Variants in FBXO38 observed in about 807,000 individuals in gnomAD.
FBXO38 encodes the protein F-box only protein 38.
A neutral mutation model predicts 131.9 loss-of-function variants in FBXO38; 53 were observed. The ratio of observed to expected loss-of-function variants is 0.40; its 90% confidence interval spans 0.32 to 0.51. The LOEUF is 0.51. Among genes scored for constraint, FBXO38 ranks in the 20% least tolerant of loss-of-function variants. The probability of loss-of-function intolerance (pLI) is 0.53; values close to 1 mark genes in which losing one functional copy is unlikely to be tolerated. For missense variants in FBXO38, 1,076 were observed against 1,475.6 expected (o/e 0.73, Z 4.44); for synonymous variants, 452 against 505.6 (o/e 0.89, Z 1.42).
intron 15 of FBXO38, among the ~76,000 whole-genome samples, chr5:148,428,268 A>G (rs938284269): frequency 6.6e-6 from 1 of 152,220 alleles, no homozygotes; most frequent in Non-Finnish European, 1.5e-5. Context: ...ACACACTTAG[A>G]GAAGTCTTAA....
Position 148,438,633 on chromosome 5 carries a change from A to G in FBXO38, c.3024+135A>G, listed in dbSNP as rs75231463. On this transcript the variant is annotated intron_variant, in intron 18 of 21. Coordinates refer to ENST00000340253, the MANE Select transcript of FBXO38 (RefSeq NM_205836.3). ...CTACAGTAATGATATTTTAGTTTTTACAGGTTATGTATGATATAGGGAGTT... is the reference window on the plus strand; with the variant it reads ...CTACAGTAATGATATTTTAGTTTTTGCAGGTTATGTATGATATAGGGAGTT... 3.5e-5 allele frequency: 31 copies of G among 897,636 alleles called. No individual in the cohort carries two copies. In the East Asian group the frequency reaches 7.2e-4, roughly 21 times the overall value. 55.6% of individuals were successfully genotyped at this position (897,636 alleles called of 1,614,324 possible).
intron 15 of FBXO38, 53 bp downstream of exon 15, chr5:148,428,000 A>C: frequency 7.0e-7 from 1 of 1,423,466 alleles, no homozygotes; most frequent in East Asian, 2.4e-5. Context: ...GCAGAAAGGC[A>C]TGAACTTGTT....
intron 9 of FBXO38, chr5:148,413,372 T>G (rs181242071): frequency 1.3e-5 from 2 of 152,184 alleles, no homozygotes; most frequent in Admixed American, 6.5e-5. Flanking sequence ...ATTGGTTGAT[T>G]GCAGACTGTG....
At chr5:148,433,610 T>C (rs1359002782) in intron 16 of FBXO38, 25 bp from the exon 17 acceptor site, 2 of 1,562,302 alleles carry the variant, frequency 1.3e-6, no homozygotes, top group East Asian at 4.5e-5. Flanking sequence ...TATCTTTATA[T>C]AGTTTCTAAT....
intron 1 of FBXO38, among the ~76,000 whole-genome samples, chr5:148,386,036 G>A (rs535633783): frequency 5.0e-4 from 76 of 152,308 alleles, no homozygotes; most frequent in African/African-American, 1.6e-3. Context: ...CAAGACAAAA[G>A]TAATGCTTCC....
At chr5:148,387,203 G>A (rs758095331) in intron 1 of FBXO38, among the ~76,000 whole-genome samples, 2 of 152,156 alleles carry the variant, frequency 1.3e-5, no homozygotes, top group African/African-American at 2.4e-5. Flanking sequence ...TATCAACTGA[G>A]TTTATGTAGT....
intron 10 of FBXO38, among the ~76,000 whole-genome samples, chr5:148,415,540 A>C (rs1413151444): frequency 1.3e-5 from 2 of 152,290 alleles, no homozygotes; most frequent in African/African-American, 4.8e-5. Flanking sequence ...TACTAAGTAT[A>C]ATTTGGAGAG....
At chr5:148,398,474 T>C (rs1158077429) in intron 2 of FBXO38, among the ~76,000 whole-genome samples, 1 of 151,468 alleles carries the variant, frequency 6.6e-6, no homozygotes, top group African/African-American at 2.4e-5. Flanking sequence ...AGAAATTGTG[T>C]ACTATATGAC....
chr5:148,386,731 G>T (rs1451464371), intron 1 of FBXO38, among the ~76,000 whole-genome samples: 1 of 152,022 alleles, frequency 6.6e-6, no homozygotes, highest in African/African-American at 2.4e-5. Context: ...ATTTATTCAG[G>T]CATAGCTCAG....
intron 8 of FBXO38, 55 bp downstream of exon 8, chr5:148,409,272 C>T: frequency 8.3e-7 from 1 of 1,205,132 alleles, no homozygotes; most frequent in Non-Finnish European, 1.2e-6. Flanking sequence ...ATGTTTTTCC[C>T]TATTTTACAA....
At chr5:148,420,476 A>G (rs903590531) in intron 12 of FBXO38, among the ~76,000 whole-genome samples, 4 of 152,136 alleles carry the variant, frequency 2.6e-5, no homozygotes, top group African/African-American at 9.7e-5. Flanking sequence ...TAAGTGTCAC[A>G]ATTATGCTTC....
intron 21 of FBXO38, 50 bp from the exon 22 acceptor site, chr5:148,441,919 A>G: frequency 1.3e-6 from 2 of 1,526,578 alleles, no homozygotes; most frequent in South Asian, 1.2e-5. Context: ...TGATTTTCCA[A>G]ATGATTCTGA....
chr5:148,427,818 A>G lies in FBXO38; in HGVS notation c.2524A>G (p.Thr842Ala). ...GACTAATGGGAGTGGCTCTGGGGCT[A>G]CAGGTGAGGACAGGAGGGGGAGCTC... ...ERTNGSGSGA[T>A]GEDRRGSSQP... is the part of the protein sequence containing the mutation. Residue 842 changes from threonine (T) to alanine (A), a missense_variant, in exon 15 of 22, where the codon ACA (threonine) becomes GCA (alanine). By Grantham distance (58) the Thr-to-Ala change is moderately conservative (BLOSUM62 0). Coordinates refer to ENST00000340253, the MANE Select transcript of FBXO38 (RefSeq NM_205836.3). The G allele has an allele frequency of 5.0e-6, 8 of 1,606,948 alleles. No homozygotes were observed. Among genetic ancestry groups the G allele is most frequent in the Non-Finnish European group, 6.8e-6 (8 of 1,176,498 alleles).
chr5:148,437,922 A>C (rs1162970772), intron 17 of FBXO38, among the ~76,000 whole-genome samples: 1 of 152,056 alleles, frequency 6.6e-6, no homozygotes, highest in Admixed American at 6.6e-5. Context: ...TTCTACTTTT[A>C]CGTTTGTGAC....
chr5:148,388,463 T>C (rs1236339734), intron 1 of FBXO38, among the ~76,000 whole-genome samples: 1 of 152,242 alleles, frequency 6.6e-6, no homozygotes, highest in Non-Finnish European at 1.5e-5. Context: ...TGGAAGGCTG[T>C]ACGTACTGAA....
chr5:148,439,845 G>T, intron 19 of FBXO38, 53 bp downstream of exon 19: 4 of 1,570,280 alleles, frequency 2.5e-6, no homozygotes, highest in South Asian at 1.1e-5. Context: ...TCATAGCAGG[G>T]ACTCCCAGAA....
At chr5:148,418,279 C>A (rs1229912546) in intron 12 of FBXO38, among the ~76,000 whole-genome samples, 1 of 152,220 alleles carries the variant, frequency 6.6e-6, no homozygotes, top group Non-Finnish European at 1.5e-5. Flanking sequence ...TCTCCTACCT[C>A]ATTTTCCTTT....
intron 3 of FBXO38, among the ~76,000 whole-genome samples, chr5:148,400,870 C>T (rs920945638): frequency 6.6e-6 from 1 of 151,826 alleles, no homozygotes; most frequent in Non-Finnish European, 1.5e-5. Flanking sequence ...GATAACCTTT[C>T]TGATTTGGTT....
chr5:148,410,583 G>A, intron 8 of FBXO38, 52 bp from the exon 9 acceptor site: 2 of 1,600,942 alleles, frequency 1.2e-6, no homozygotes, highest in Non-Finnish European at 1.7e-6. Context: ...AGGAATCTTT[G>A]ATTCTGATGG....
Sources: gnomAD v4.1 joint callset for allele counts (sites outside exome capture counted in the v4.1 genomes callset) on GRCh38, gnomAD v4.1.1 for gene constraint, MANE v1.5 for transcripts, NCBI Gene and HGNC (gene_info 2026-07-23, HGNC 2026-07-21) for gene names.